DNMBP: variants seen among roughly 807,000 people sequenced by gnomAD.
DNMBP encodes the protein dynamin binding protein.
Under a neutral mutation model 150.0 loss-of-function variants are expected in DNMBP, and 87 were observed. The observed-to-expected ratio is 0.58, with a 90% confidence interval of 0.49 to 0.69. DNMBP has a LOEUF of 0.69. Among genes scored for constraint, DNMBP ranks in the 30% least tolerant of loss-of-function variants. The pLI, the probability that DNMBP is intolerant of heterozygous loss-of-function variation, is 0.00. For synonymous variants in DNMBP, 711 were observed against 750.4 expected (o/e 0.95, Z 0.86); for missense variants, 1,774 against 1,949.0 (o/e 0.91, Z 1.69).
chr10:99,988,074 TTAA>T lies in DNMBP; in HGVS notation c.-10-15943_-10-15941del, dbSNP rs1378007091. On this transcript the variant is annotated intron_variant, in intron 1 of 16. Transcript: ENST00000324109. Reference sequence around the variant, plus strand: ...CCAGTTCTGCAGTGTTTCATTTTGCTTAATAAAAAAAAAAATCATGAATAGTTG... The same window carrying T: ...CCAGTTCTGCAGTGTTTCATTTTGCTTAAAAAAAAAAATCATGAATAGTTG... Among the ~76,000 whole-genome samples, 3 of 133,642 alleles carry T rather than the reference TTAA, an allele frequency of 2.2e-5. No homozygotes were observed. In the Admixed American group the frequency reaches 2.3e-4, roughly 10 times the overall value. 87.7% of individuals were successfully genotyped at this position (133,642 alleles called of 152,430 possible). A position where few individuals can be genotyped will look rare whatever the true frequency, so the allele number is the denominator to read the frequency against.
intron 1 of DNMBP, among the ~76,000 whole-genome samples, chr10:100,002,227 A>C (rs1238951695): frequency 6.6e-6 from 1 of 152,200 alleles, no homozygotes; most frequent in Non-Finnish European, 1.5e-5. Flanking sequence ...TGGTGCTAAA[A>C]GGCAGGATTA....
intron 1 of DNMBP, among the ~76,000 whole-genome samples, chr10:99,988,174 G>A (rs7897089): frequency 0.46 from 69,768 of 152,058 alleles, 16,827 homozygotes; most frequent in African/African-American, 0.61. Flanking sequence ...GATGTCATAA[G>A]TTTAAATGTT....
rs554712020 is a variant in DNMBP, at chr10:99,980,110, T to C, written c.-10-7976A>G. Reference sequence around the variant, plus strand: ...CTGGACATGTAAAAGTTAAAAGCCATGAGAGTAAATGTATCAGAGAAAACA... The same window carrying C: ...CTGGACATGTAAAAGTTAAAAGCCACGAGAGTAAATGTATCAGAGAAAACA... On this transcript the variant is annotated intron_variant, in intron 1 of 16. Coordinates refer to ENST00000324109, the MANE Select transcript of DNMBP (RefSeq NM_015221.4). 5.3e-5 allele frequency among the ~76,000 whole-genome samples: 8 copies of C among 152,262 alleles called. No individual in the cohort carries two copies. The East Asian group carries it at 1.5e-3, about 29-fold the overall frequency.
In DNMBP at chr10:99,956,328, T is replaced by C; in HGVS notation, c.1146A>G (p.Gly382=). 6.2e-7 allele frequency: 1 copy of C among 1,613,878 alleles called. No individual in the cohort carries two copies. The highest frequency in any genetic ancestry group is 8.5e-7 in the Non-Finnish European group (1 of 1,179,974). The change falls in exon 4 of 17, where the codon GGA becomes GGG. Residue 382 remains glycine, a synonymous_variant. Coordinates refer to ENST00000324109, the MANE Select transcript of DNMBP (RefSeq NM_015221.4). ...RNSYQDEDTA[G]GPPRSPGVEW... is the part of the protein sequence containing the mutation. ...CCACGCCTGGGCTTCTCGGGGGCCC[T>C]CCTGCGGTGTCCTCGTCCTGATAAG...
chr10:99,913,823 A>G, intron 4 of DNMBP: 2 of 998,204 alleles, frequency 2.0e-6, no homozygotes, highest in Non-Finnish European at 2.6e-6. Flanking sequence ...CCCTTGCCTC[A>G]GAAAGCTGGA....
At chr10:99,883,038 C>A (rs1016175004) in intron 15 of DNMBP, among the ~76,000 whole-genome samples, 9 of 152,120 alleles carry the variant, frequency 5.9e-5, no homozygotes, top group African/African-American at 1.9e-4. Flanking sequence ...CAGAGCTAGA[C>A]CCTGTCTTAA....
intron 2 of DNMBP, among the ~76,000 whole-genome samples, chr10:99,970,648 C>T (rs539532293): frequency 2.0e-5 from 3 of 152,198 alleles, no homozygotes; most frequent in East Asian, 3.9e-4. Context: ...TGGAGAGCAC[C>T]TTGTGTTCCA....
intron 4 of DNMBP, among the ~76,000 whole-genome samples, chr10:99,941,848 C>T (rs531362533): frequency 2.6e-5 from 4 of 152,304 alleles, no homozygotes; most frequent in South Asian, 4.2e-4. Context: ...GAGAGCTGAG[C>T]ACCTCTCATC....
chr10:99,967,235 A>C (rs899040607), intron 3 of DNMBP, among the ~76,000 whole-genome samples: 1 of 152,128 alleles, frequency 6.6e-6, no homozygotes, highest in Non-Finnish European at 1.5e-5. Flanking sequence ...CCTGTGTCTT[A>C]AAAAATAAAA....
chr10:99,926,790 C>G (rs1250595325), intron 4 of DNMBP, among the ~76,000 whole-genome samples: 3 of 152,174 alleles, frequency 2.0e-5, no homozygotes, highest in Non-Finnish European at 4.4e-5. Flanking sequence ...CCGTGGAAAG[C>G]TGGAGGCCAG....
chr10:99,910,894 T>A (rs114194528), intron 4 of DNMBP, among the ~76,000 whole-genome samples: 28 of 152,352 alleles, frequency 1.8e-4, no homozygotes, highest in African/African-American at 6.5e-4. Context: ...AAACTCTTTG[T>A]TATGGTAGAA....
At chr10:100,001,056 T>C (rs990357781) in intron 1 of DNMBP, among the ~76,000 whole-genome samples, 5 of 148,836 alleles carry the variant, frequency 3.4e-5, no homozygotes, top group African/African-American at 9.9e-5. Context: ...ATGGGGAAAC[T>C]CCATCTCTAC....
At chr10:99,885,962 G>T in intron 13 of DNMBP, 96 bp from the exon 14 acceptor site, 1 of 1,201,524 alleles carries the variant, frequency 8.3e-7, no homozygotes, top group Non-Finnish European at 1.1e-6. Context: ...ATCCCGGATT[G>T]ACAGTCTCCT....
intron 4 of DNMBP, among the ~76,000 whole-genome samples, chr10:99,943,765 C>T (rs1589431712): frequency 6.6e-6 from 1 of 152,120 alleles, no homozygotes; most frequent in African/African-American, 2.4e-5. Flanking sequence ...ATTGCTTCTG[C>T]ATATAAAACA....
chr10:99,897,539 A>C (rs771607009), intron 9 of DNMBP, among the ~76,000 whole-genome samples: 2 of 152,240 alleles, frequency 1.3e-5, no homozygotes, highest in Non-Finnish European at 2.9e-5. Context: ...CACTGTCTTC[A>C]TATCTCTTGA....
chr10:99,976,650 TG>T (rs2098515239), intron 1 of DNMBP, among the ~76,000 whole-genome samples: 1 of 152,166 alleles, frequency 6.6e-6, no homozygotes, highest in African/African-American at 2.4e-5. Context: ...AAAGGACACA[TG>T]TTCGTGGTAG....
At chr10:99,983,004 C>T (rs918365841) in intron 1 of DNMBP, among the ~76,000 whole-genome samples, 3 of 151,880 alleles carry the variant, frequency 2.0e-5, no homozygotes, top group Admixed American at 1.3e-4. Flanking sequence ...CAGAACAAAA[C>T]TTCTGAAGGG....
At chr10:99,914,265 C>T (rs539118234) in intron 4 of DNMBP, among the ~76,000 whole-genome samples, 223 of 152,252 alleles carry the variant, frequency 1.5e-3, no homozygotes, top group African/African-American at 4.1e-3. Context: ...CTAAAACCCT[C>T]GAAATTCCAC....
chr10:99,998,149 C>T (rs372930982), intron 1 of DNMBP, among the ~76,000 whole-genome samples: 26 of 150,710 alleles, frequency 1.7e-4, no homozygotes, highest in South Asian at 1.5e-3. Flanking sequence ...GCAGGAGAAT[C>T]GCTTGAACCC....
Sources: allele counts gnomAD v4.1 joint callset (sites outside exome capture counted in the v4.1 genomes callset), GRCh38; gene constraint gnomAD v4.1.1; transcripts MANE v1.5; gene names NCBI Gene and HGNC (gene_info 2026-07-23, HGNC 2026-07-21).